Variants in ADCY9 observed in about 807,000 individuals in gnomAD.
ADCY9 encodes adenylate cyclase 9.
In ADCY9, 50 loss-of-function variants were observed where a neutral mutation model predicts 101.5. That is an observed-to-expected ratio of 0.49 (90% confidence interval 0.39 to 0.62). The LOEUF (loss-of-function observed/expected upper bound fraction) is 0.62, where lower values mean the gene tolerates loss of function less well. Among genes scored for constraint, ADCY9 ranks in the 20% least tolerant of loss-of-function variants. The probability of loss-of-function intolerance (pLI) is 0.00; values close to 1 mark genes in which losing one functional copy is unlikely to be tolerated. For missense variants in ADCY9, 1,662 were observed against 1,800.4 expected (o/e 0.92, Z 1.39); for synonymous variants, 905 against 769.3 (o/e 1.18, Z -2.92).
At chr16:4,052,302 G>A (rs983275865) in intron 2 of ADCY9, among the ~76,000 whole-genome samples, 1 of 152,232 alleles carries the variant, frequency 6.6e-6, no homozygotes, top group Non-Finnish European at 1.5e-5. Context: ...CGGGGCCTCT[G>A]CATTTGGTGG....
chr16:4,049,905 C>T (rs2056689762), intron 2 of ADCY9, among the ~76,000 whole-genome samples: 1 of 152,112 alleles, frequency 6.6e-6, no homozygotes, highest in Non-Finnish European at 1.5e-5. Flanking sequence ...ATGGTGTACA[C>T]CTGTAGTCCC....
Position 3,965,928 on chromosome 16 carries a change from A to G in ADCY9, c.3909T>C (p.Asp1303=). 1 of 1,614,112 alleles carries G rather than the reference A, an allele frequency of 6.2e-7. No homozygotes were observed. The change falls in exon 11 of 11, where the codon GAT becomes GAC. Residue 1303 remains aspartate, a synonymous_variant. Coordinates refer to ENST00000294016, the MANE Select transcript of ADCY9 (RefSeq NM_001116.4). ...LGSDSSTQAK[D]AHLSPKRPWK... Reference sequence around the variant, plus strand: ...ACGGTCTCTTGGGGGACAGGTGGGCATCCTTGGCCTGCGTGCTGCTGTCAG... The same window carrying G: ...ACGGTCTCTTGGGGGACAGGTGGGCGTCCTTGGCCTGCGTGCTGCTGTCAG...
At chr16:4,086,153 GACA>G (rs948196964) in intron 2 of ADCY9, among the ~76,000 whole-genome samples, 1 of 151,396 alleles carries the variant, frequency 6.6e-6, no homozygotes, top group African/African-American at 2.4e-5. Context: ...ACAGATGAAG[GACA>G]AGGAGAAAAA....
chr16:3,971,910 G>A lies in ADCY9; in HGVS notation c.2870+2759C>T, dbSNP rs191640347. 1.3e-3 allele frequency among the ~76,000 whole-genome samples: 205 copies of A among 152,284 alleles called. 1 individual carries two copies. The highest frequency in any genetic ancestry group is 7.0e-3 in the Admixed American group (107 of 15,292). Reference sequence around the variant, plus strand: ...CCGGAGCCAGCAGCACAGCTGACTCGAGACGGGCGCAGGCCAGGCCCCTCC... The same window carrying A: ...CCGGAGCCAGCAGCACAGCTGACTCAAGACGGGCGCAGGCCAGGCCCCTCC... On this transcript the variant is annotated intron_variant, in intron 10 of 10. Transcript: ENST00000294016.
intron 2 of ADCY9, among the ~76,000 whole-genome samples, chr16:4,010,483 T>C (rs2056396700): frequency 1.3e-5 from 2 of 152,258 alleles, no homozygotes; most frequent in African/African-American, 2.4e-5. Context: ...CTGTTGCTTT[T>C]TTGTACTGGG....
intron 2 of ADCY9, among the ~76,000 whole-genome samples, chr16:4,105,937 G>C (rs1160909706): frequency 6.6e-6 from 1 of 152,138 alleles, no homozygotes; most frequent in East Asian, 1.9e-4. Flanking sequence ...CTGACTGTCG[G>C]GGCCCAGCAT....
chr16:4,083,193 T>C (rs2056916527), intron 2 of ADCY9, among the ~76,000 whole-genome samples: 1 of 152,250 alleles, frequency 6.6e-6, no homozygotes, highest in South Asian at 2.1e-4. Context: ...AGTTAGGTTT[T>C]CGTTAACTCA....
At chr16:3,989,663 G>C (rs547155653) in intron 5 of ADCY9, among the ~76,000 whole-genome samples, 1 of 152,326 alleles carries the variant, frequency 6.6e-6, no homozygotes, top group Non-Finnish European at 1.5e-5. Context: ...GACAGCGTGA[G>C]CTGCTGAGGC....
chr16:4,107,412 G>T (rs567843601), intron 2 of ADCY9, among the ~76,000 whole-genome samples: 5 of 152,092 alleles, frequency 3.3e-5, no homozygotes, highest in South Asian at 4.2e-4. Context: ...TTAGCCGGGC[G>T]TGGTGGCGCA....
chr16:3,979,861 G>A (rs539310023), intron 7 of ADCY9, among the ~76,000 whole-genome samples: 16 of 152,376 alleles, frequency 1.1e-4, no homozygotes, highest in Admixed American at 6.5e-5. Context: ...CAGCATCTTA[G>A]CCCAGAGGCT....
rs1343168938 is a variant in ADCY9, at chr16:4,074,670, T to A, written c.1693+39080A>T. Among the ~76,000 whole-genome samples the A allele has an allele frequency of 9.0e-5, 12 of 133,554 alleles. No homozygotes were observed. In the Admixed American group the frequency reaches 9.8e-4, roughly 11 times the overall value. The allele number at this position is 133,554 out of a possible 152,430, so 87.6% of individuals were successfully genotyped here. ...AGGTCGAGGCTTCAGTGAGCTACGA[T>A]CATGCCATTGTACCCCAGTCTGGAT... On this transcript the variant is annotated intron_variant, in intron 2 of 10. Coordinates refer to ENST00000294016, the MANE Select transcript of ADCY9 (RefSeq NM_001116.4).
At position 4,029,266 on chromosome 16, in the gene ADCY9, C is replaced by G. The variant is rs150335711; in HGVS notation, c.1694-21708G>C. On this transcript the variant is annotated intron_variant, in intron 2 of 10. Transcript: ENST00000294016. Reference sequence around the variant, plus strand: ...GAAATAGGACAAAAAAAGTCCTCACCTAACAAAGAAAAAAAGTGGATCAAT... The same window carrying G: ...GAAATAGGACAAAAAAAGTCCTCACGTAACAAAGAAAAAAAGTGGATCAAT... Among the ~76,000 whole-genome samples, 261 of 152,068 alleles carry G rather than the reference C, an allele frequency of 1.7e-3. No homozygotes were observed. The Middle Eastern group carries it at 0.02, about 12-fold the overall frequency.
chr16:4,029,471 G>GC (rs1395482086), intron 2 of ADCY9, among the ~76,000 whole-genome samples: 1 of 152,222 alleles, frequency 6.6e-6, no homozygotes, highest in Non-Finnish European at 1.5e-5. Context: ...AAGAGGCCAG[G>GC]CCCGGGGGCT....
chr16:4,087,061 C>A lies in ADCY9; in HGVS notation c.1693+26689G>T, dbSNP rs939699707. ...AACCCTATTCCATTCTGATACTGCG[C>A]CCTACATCCCAACAAGTTATGTCTT... On this transcript the variant is annotated intron_variant, in intron 2 of 10. Coordinates refer to ENST00000294016, the MANE Select transcript of ADCY9 (RefSeq NM_001116.4). Among the ~76,000 whole-genome samples the A allele has an allele frequency of 5.9e-5, 9 of 152,030 alleles. No individual in the cohort carries two copies. The South Asian group carries it at 1.7e-3, about 28-fold the overall frequency.
intron 2 of ADCY9, among the ~76,000 whole-genome samples, chr16:4,073,133 TGCC>T (rs2056845501): frequency 6.6e-6 from 1 of 152,216 alleles, no homozygotes; most frequent in African/African-American, 2.4e-5. Flanking sequence ...CTCACTCTAT[TGCC>T]CAGGCTGGAA....
chr16:4,066,279 A>G (rs1258442080), intron 2 of ADCY9, among the ~76,000 whole-genome samples: 2 of 152,174 alleles, frequency 1.3e-5, no homozygotes, highest in Admixed American at 1.3e-4. Flanking sequence ...TTCTCTCTAA[A>G]AAACACTTAT....
intron 2 of ADCY9, among the ~76,000 whole-genome samples, chr16:4,011,531 C>T (rs2056404285): frequency 6.6e-6 from 1 of 152,236 alleles, no homozygotes; most frequent in Admixed American, 6.5e-5. Context: ...TCCCCACAAA[C>T]TGCTGGCGAG....
At chr16:4,099,769 C>T (rs2057030690) in intron 2 of ADCY9, among the ~76,000 whole-genome samples, 1 of 152,220 alleles carries the variant, frequency 6.6e-6, no homozygotes, top group Admixed American at 6.5e-5. Context: ...GAAACCATCT[C>T]AGCTGGGTGC....
Position 4,025,093 on chromosome 16 carries a change from T to C in ADCY9, c.1694-17535A>G, listed in dbSNP as rs539919577. 1.8e-3 allele frequency among the ~76,000 whole-genome samples: 278 copies of C among 152,176 alleles called. 1 individual carries two copies. Among genetic ancestry groups the C allele is most frequent in the African/African-American group, 6.6e-3 (274 of 41,532 alleles). ...GGGTAGGGAGGGGGGCTGGGTGTGATGGCTAAAGCCTGTAATCCCAGCACT... is the reference window on the plus strand; with the variant it reads ...GGGTAGGGAGGGGGGCTGGGTGTGACGGCTAAAGCCTGTAATCCCAGCACT... On this transcript the variant is annotated intron_variant, in intron 2 of 10. Transcript: ENST00000294016.
Sources: gnomAD v4.1 joint callset for allele counts (sites outside exome capture counted in the v4.1 genomes callset) on GRCh38, gnomAD v4.1.1 for gene constraint, MANE v1.5 for transcripts, NCBI Gene and HGNC (gene_info 2026-07-23, HGNC 2026-07-21) for gene names.